Variants in NPAS3 observed in about 807,000 individuals in gnomAD.
The protein encoded by NPAS3 is neuronal PAS domain-containing protein 3.
NPAS3 carries 14 observed loss-of-function variants against 73.1 expected under a neutral mutation model. The observed-to-expected ratio is 0.19, with a 90% confidence interval of 0.13 to 0.30. The LOEUF (loss-of-function observed/expected upper bound fraction) is 0.30, where lower values mean the gene tolerates loss of function less well. Ranked by LOEUF, NPAS3 falls within the 10% of genes least tolerant of loss-of-function variation. The pLI is 1.00. For synonymous variants in NPAS3, 620 were observed against 541.5 expected (o/e 1.14, Z -2.01); for missense variants, 1,096 against 1,250.0 (o/e 0.88, Z 1.86).
At chr14:33,147,163 A>ATT (rs201866806) in intron 2 of NPAS3, among the ~76,000 whole-genome samples, 8 of 152,022 alleles carry the variant, frequency 5.3e-5, no homozygotes, top group African/African-American at 1.9e-4. Context: ...TTTAATCTGC[A>ATT]TTTTTTTCTT....
intron 3 of NPAS3, among the ~76,000 whole-genome samples, chr14:33,347,169 G>A (rs746220116): frequency 6.6e-6 from 1 of 152,196 alleles, no homozygotes; most frequent in Non-Finnish European, 1.5e-5. Context: ...TGCTGCTTTT[G>A]TGAATTATTA....
intron 3 of NPAS3, among the ~76,000 whole-genome samples, chr14:33,252,372 A>AGGTTTGACTG (rs564351811): frequency 6.3e-4 from 96 of 152,102 alleles, no homozygotes; most frequent in African/African-American, 1.9e-3. Flanking sequence ...TGTCTTCTCT[A>AGGTTTGACTG]GGTTTGACTG....
At chr14:33,774,445 C>A (rs183364753) in exon 8 of NPAS3, 3 of 1,614,174 alleles carry the variant, frequency 1.9e-6, no homozygotes, top group South Asian at 1.1e-5. Context: ...CTTGCCTCCC[C>A]CTACGATCAA....
intron 3 of NPAS3, among the ~76,000 whole-genome samples, chr14:33,312,272 G>C (rs183229627): frequency 6.6e-6 from 1 of 152,056 alleles, no homozygotes; most frequent in Admixed American, 6.6e-5. Flanking sequence ...TTGGTCCTTC[G>C]AGTTATCTTT....
chr14:33,103,084 C>A (rs1228185664), intron 2 of NPAS3, among the ~76,000 whole-genome samples: 1 of 152,144 alleles, frequency 6.6e-6, no homozygotes, highest in Non-Finnish European at 1.5e-5. Flanking sequence ...GAAAAGTATA[C>A]ATACCAATAC....
At chr14:33,278,827 T>C (rs568788234) in intron 3 of NPAS3, among the ~76,000 whole-genome samples, 2 of 152,168 alleles carry the variant, frequency 1.3e-5, no homozygotes, top group East Asian at 1.9e-4. Flanking sequence ...TCTTAAAAAA[T>C]GTTAAGAAGC....
intron 3 of NPAS3, among the ~76,000 whole-genome samples, chr14:33,226,028 T>C (rs570288658): frequency 2.0e-5 from 3 of 152,232 alleles, no homozygotes; most frequent in East Asian, 3.9e-4. Flanking sequence ...CAGCCAGGAG[T>C]GTGATGTTGG....
At chr14:33,488,613 C>G (rs1269058948) in intron 4 of NPAS3, among the ~76,000 whole-genome samples, 2 of 152,160 alleles carry the variant, frequency 1.3e-5, no homozygotes, top group East Asian at 1.9e-4. Flanking sequence ...ATTCCTAGAG[C>G]TGGCTCAGAG....
At chr14:33,554,955 A>C (rs181766032) in intron 4 of NPAS3, among the ~76,000 whole-genome samples, 2 of 152,174 alleles carry the variant, frequency 1.3e-5, no homozygotes, top group African/African-American at 2.4e-5. Context: ...TTAAGAAACT[A>C]TGCCTTACAC....
chr14:33,157,295 CTCT>C (rs1385043823), intron 2 of NPAS3, among the ~76,000 whole-genome samples: 2 of 152,210 alleles, frequency 1.3e-5, no homozygotes, highest in African/African-American at 4.8e-5. Flanking sequence ...AAACACAGAA[CTCT>C]TCTTTATCAG....
intron 4 of NPAS3, among the ~76,000 whole-genome samples, chr14:33,503,021 A>T (rs775806226): frequency 6.6e-6 from 1 of 151,998 alleles, no homozygotes; most frequent in Non-Finnish European, 1.5e-5. Context: ...CTTCATGAGT[A>T]TAGTTCAAGC....
chr14:33,493,798 A>C (rs1401025454), intron 4 of NPAS3, among the ~76,000 whole-genome samples: 1 of 152,218 alleles, frequency 6.6e-6, no homozygotes, highest in Non-Finnish European at 1.5e-5. Flanking sequence ...TGAGTTATAA[A>C]CCTTTCATAA....
chr14:33,051,805 C>T (rs759165248), intron 1 of NPAS3, among the ~76,000 whole-genome samples: 8 of 152,062 alleles, frequency 5.3e-5, no homozygotes, highest in Non-Finnish European at 2.9e-5. Context: ...TGTTGCCCAG[C>T]CTGGAGTGCA....
intron 3 of NPAS3, among the ~76,000 whole-genome samples, chr14:33,298,631 T>C (rs2140140486): frequency 6.6e-6 from 1 of 152,326 alleles, no homozygotes; most frequent in Admixed American, 6.5e-5. Flanking sequence ...CTATATGTTT[T>C]CCCTTTCCAT....
At chr14:33,630,803 A>G (rs568851821) in intron 5 of NPAS3, among the ~76,000 whole-genome samples, 1 of 152,326 alleles carries the variant, frequency 6.6e-6, no homozygotes, top group African/African-American at 2.4e-5. Flanking sequence ...CAAACAGTAT[A>G]TCTAAGGATG....
intron 3 of NPAS3, among the ~76,000 whole-genome samples, chr14:33,258,827 T>A (rs2048868679): frequency 6.6e-6 from 1 of 152,140 alleles, no homozygotes; most frequent in South Asian, 2.1e-4. Context: ...TGTTTGTTTG[T>A]TTTTGAGATG....
chr14:33,076,435 G>A (rs1211866907), intron 2 of NPAS3, among the ~76,000 whole-genome samples: 4 of 152,140 alleles, frequency 2.6e-5, no homozygotes, highest in Non-Finnish European at 4.4e-5. Context: ...ATTTGTTAAC[G>A]ATATTTACCT....
intron 1 of NPAS3, among the ~76,000 whole-genome samples, chr14:33,052,963 G>A (rs948306701): frequency 6.6e-6 from 1 of 152,038 alleles, no homozygotes; most frequent in South Asian, 2.1e-4. Context: ...GCATCAAACT[G>A]TTATGGCTGG....
At chr14:33,658,713 C>T (rs2059220652) in intron 5 of NPAS3, among the ~76,000 whole-genome samples, 2 of 152,280 alleles carry the variant, frequency 1.3e-5, no homozygotes, top group South Asian at 4.1e-4. Flanking sequence ...AAGGAAACCA[C>T]ACTGTTCATT....
Sources: allele counts gnomAD v4.1 joint callset (sites outside exome capture counted in the v4.1 genomes callset), GRCh38; gene constraint gnomAD v4.1.1; transcripts MANE v1.5; gene names NCBI Gene and HGNC (gene_info 2026-07-23, HGNC 2026-07-21).